DOK7: variants seen among roughly 807,000 people sequenced by gnomAD.
The protein encoded by DOK7 is docking protein 7.
In DOK7, 32 loss-of-function variants were observed where a neutral mutation model predicts 30.7. That is an observed-to-expected ratio of 1.04 (90% CI 0.79 to 1.40). DOK7 has a LOEUF of 1.40. Among genes scored for constraint, DOK7 ranks in the 40% most tolerant of loss-of-function variants. The pLI is 0.00. For missense variants in DOK7, 1,007 were observed against 699.2 expected (o/e 1.44, Z -4.97); for synonymous variants, 447 against 324.1 (o/e 1.38, Z -4.07).
rs567321125 is a variant in DOK7, at chr4:3,493,885, C to G, written c.*384C>G. 1 of 1,090,714 alleles carries G rather than the reference C, an allele frequency of 9.2e-7. No individual in the cohort carries two copies. The highest frequency in any genetic ancestry group is 1.7e-5 in the African/African-American group (1 of 59,898). The allele number at this position is 1,090,714 out of a possible 1,614,324, so 67.6% of individuals were successfully genotyped here. ...CTTGTCCTCCTTGGGCCTCACGCCC[C>G]CTTCGGGGGTGGCCGGTTCTCCCCA... is the stretch of plus-strand genomic sequence containing the variant. On this transcript the variant is annotated 3_prime_UTR_variant, in exon 7 of 7. Coordinates refer to ENST00000340083, the MANE Select transcript of DOK7 (RefSeq NM_173660.5).
intron 5 of DOK7, among the ~76,000 whole-genome samples, chr4:3,487,687 T>C (rs1275989519): frequency 6.6e-6 from 1 of 152,094 alleles, no homozygotes; most frequent in Non-Finnish European, 1.5e-5. Flanking sequence ...AGGGGGCGTG[T>C]GGTGGAGCTG....
intron 2 of DOK7, among the ~76,000 whole-genome samples, chr4:3,469,477 G>A (rs558860845): frequency 1.1e-4 from 17 of 152,212 alleles, no homozygotes; most frequent in Admixed American, 6.5e-4. Context: ...ACCCCCAGCC[G>A]GAGGGTGGGT....
Position 3,476,507 on chromosome 4 carries a change from G to C in DOK7, c.497G>C (p.Gly166Ala). 6.2e-7 allele frequency: 1 copy of C among 1,613,968 alleles called. No individual in the cohort carries two copies. Among genetic ancestry groups the C allele is most frequent in the South Asian group, 1.1e-5 (1 of 91,078 alleles). ...CGGCGCTACGGGGCCGTGCCAAGCG[G>C]ATTCATCTTTGAAGGCGGGACCAGG... ...DLRRYGAVPS[G>A]FIFEGGTRCG... Residue 166 changes from glycine to alanine, a missense_variant, in exon 4 of 7, where the codon GGA (glycine) becomes GCA (alanine). Transcript: ENST00000340083.
At chr4:3,486,941 G>C (rs952011538) in intron 5 of DOK7, among the ~76,000 whole-genome samples, 6 of 152,138 alleles carry the variant, frequency 3.9e-5, no homozygotes, top group African/African-American at 1.4e-4. Context: ...GCAGAGGGAA[G>C]CAGGGAAGCA....
chr4:3,479,636 T>G (rs1219683809), intron 4 of DOK7, among the ~76,000 whole-genome samples: 1 of 152,186 alleles, frequency 6.6e-6, no homozygotes, highest in East Asian at 1.9e-4. Flanking sequence ...GCAGAGAGGG[T>G]GACCCTGGCC....
At chr4:3,481,048 G>A (rs1169825176) in intron 4 of DOK7, among the ~76,000 whole-genome samples, 1 of 152,056 alleles carries the variant, frequency 6.6e-6, no homozygotes, top group Admixed American at 6.6e-5. Flanking sequence ...AGACATCTTT[G>A]AGCACGAATG....
chr4:3,496,773 G>A (rs1168233465), downstream of DOK7: 6 of 1,532,880 alleles, frequency 3.9e-6, no homozygotes, highest in Admixed American at 1.2e-4. Flanking sequence ...GGCACAGGAT[G>A]AGGGGAAGAC....
At position 3,493,677 on chromosome 4, in the gene DOK7, T is replaced by C. The variant is rs1433053265; in HGVS notation, c.*176T>C. The C allele has an allele frequency of 3.5e-6, 5 of 1,447,584 alleles. No individual in the cohort carries two copies. The African/African-American group carries it at 7.2e-5, about 21-fold the overall frequency. The allele number at this position is 1,447,584 out of a possible 1,614,324, so 89.7% of individuals were successfully genotyped here. ...TGTGGCTGCCACCGGAGGAAGGGGC[T>C]GACTTGGGGAGGTGAGTTCTGGAAG... On this transcript the variant is annotated 3_prime_UTR_variant, in exon 7 of 7. Coordinates refer to ENST00000340083, the MANE Select transcript of DOK7 (RefSeq NM_173660.5).
Position 3,493,267 on chromosome 4 carries a change from C to T in DOK7, c.1281C>T (p.Gly427=), listed in dbSNP as rs780632258. Residue 427 remains glycine (G), a synonymous_variant, in exon 7 of 7, where the codon GGC becomes GGT. Transcript: ENST00000340083. ...DHSPPSQGSP[G]NSAARDSGGQ... is the part of the protein sequence containing the mutation. Reference sequence around the variant, plus strand: ...GCCCCCCCTCACAGGGCAGCCCCGGCAACAGTGCGGCCAGGGACTCAGGCG... The same window carrying T: ...GCCCCCCCTCACAGGGCAGCCCCGGTAACAGTGCGGCCAGGGACTCAGGCG... 3 of 1,611,466 alleles carry T rather than the reference C, an allele frequency of 1.9e-6. 1 individual carries two copies. In the South Asian group the frequency reaches 3.3e-5, roughly 18 times the overall value.
chr4:3,469,875 G>A (rs1481063388), intron 2 of DOK7, among the ~76,000 whole-genome samples: 2 of 152,204 alleles, frequency 1.3e-5, no homozygotes, highest in African/African-American at 2.4e-5. Flanking sequence ...GTCAGCTGCC[G>A]GAGAAGCTTC....
downstream of DOK7, among the ~76,000 whole-genome samples, chr4:3,498,204 G>C (rs1203101489): frequency 6.6e-6 from 1 of 152,178 alleles, no homozygotes. Context: ...CGAGGTACTG[G>C]AAGCGATGCT....
At chr4:3,469,600 A>G (rs13125686) in intron 2 of DOK7, among the ~76,000 whole-genome samples, 28,639 of 151,934 alleles carry the variant, frequency 0.19, 3,354 homozygotes, top group African/African-American at 0.32. Flanking sequence ...GGAGCTGGCC[A>G]GTGGCCATCC....
At chr4:3,496,666 C>T (rs1459690963), downstream of DOK7, among the ~76,000 whole-genome samples, 2 of 151,670 alleles carry the variant, frequency 1.3e-5, no homozygotes, top group Non-Finnish European at 2.9e-5. Flanking sequence ...GGAGAGAAGG[C>T]ATCAGGTATG....
At chr4:3,469,231 G>A (rs1726602588) in intron 2 of DOK7, among the ~76,000 whole-genome samples, 1 of 152,052 alleles carries the variant, frequency 6.6e-6, no homozygotes, top group Admixed American at 6.5e-5. Flanking sequence ...GTGTGCGTGT[G>A]TGCCTGCTTG....
intron 5 of DOK7, among the ~76,000 whole-genome samples, chr4:3,486,984 CTGGGACAGCCACTAGA>C (rs932406674): frequency 6.6e-6 from 1 of 152,068 alleles, no homozygotes; most frequent in Non-Finnish European, 1.5e-5. Flanking sequence ...GAGGGTTTGC[CTGGGACAGCCACTAGA>C]TGGGACAGGC....
Position 3,493,279 on chromosome 4 carries a change from C to T in DOK7, c.1293C>T (p.Ala431=). ...AGGGCAGCCCCGGCAACAGTGCGGC[C>T]AGGGACTCAGGCGGCCAGACGTCCG... ...PSQGSPGNSA[A]RDSGGQTSAG... is the part of the protein sequence containing the mutation. Residue 431 remains alanine, a synonymous_variant, in exon 7 of 7, where the codon GCC becomes GCT. Transcript: ENST00000340083. The T allele has an allele frequency of 1.2e-6, 2 of 1,610,298 alleles. No individual in the cohort carries two copies. Among genetic ancestry groups the T allele is most frequent in the Non-Finnish European group, 1.7e-6 (2 of 1,178,944 alleles).
intron 6 of DOK7, chr4:3,500,165 A>G: frequency 6.9e-7 from 1 of 1,453,622 alleles, no homozygotes; most frequent in African/African-American, 1.4e-5. Flanking sequence ...GGGGCTAGGC[A>G]GGGTGGGCAG....
intron 4 of DOK7, among the ~76,000 whole-genome samples, chr4:3,477,830 GGGGGTGGGGTGGGGGGTGGTTCCCGGGA>G (rs1365673760): frequency 6.6e-6 from 1 of 151,886 alleles, no homozygotes; most frequent in African/African-American, 2.4e-5. Context: ...AGCTGGTGCG[GGGGGTGGGGTGGGGGGTGGTTCCCGGGA>G]GAGCTAGGAC....
chr4:3,481,083 G>C (rs1383694058), intron 4 of DOK7, among the ~76,000 whole-genome samples: 1 of 151,962 alleles, frequency 6.6e-6, no homozygotes, highest in African/African-American at 2.4e-5. Context: ...CTGTGTAGGA[G>C]CCCTGTTGGG....
Sources: allele counts gnomAD v4.1 joint callset (sites outside exome capture counted in the v4.1 genomes callset), GRCh38; gene constraint gnomAD v4.1.1; transcripts MANE v1.5; gene names NCBI Gene and HGNC (gene_info 2026-07-23, HGNC 2026-07-21).